The following GRID2 variants were observed in gnomAD, a reference collection of about 807,000 sequenced individuals.
The protein encoded by GRID2 is glutamate ionotropic receptor delta type subunit 2.
Under a neutral mutation model 114.8 loss-of-function variants are expected in GRID2, and 33 were observed. The observed-to-expected ratio is 0.29, with a 90% CI of 0.22 to 0.38. The LOEUF is 0.38. Ranked by LOEUF, GRID2 falls within the 10% of genes least tolerant of loss-of-function variation. The pLI, the probability that GRID2 is intolerant of heterozygous loss-of-function variation, is 1.00. For synonymous variants in GRID2, 505 were observed against 449.9 expected (o/e 1.12, Z -1.55); for missense variants, 1,184 against 1,257.7 (o/e 0.94, Z 0.89).
At chr4:92,941,183 G>A (rs1046425600) in intron 2 of GRID2, among the ~76,000 whole-genome samples, 25 of 152,166 alleles carry the variant, frequency 1.6e-4, no homozygotes, top group Non-Finnish European at 3.4e-4. Context: ...ATTCGGCTGT[G>A]AATCCCTCTG....
intron 2 of GRID2, among the ~76,000 whole-genome samples, chr4:92,876,803 T>G (rs898291344): frequency 2.0e-5 from 3 of 152,322 alleles, no homozygotes; most frequent in Non-Finnish European, 4.4e-5. Flanking sequence ...ATTTATAGTT[T>G]TAGCAAGTAG....
At chr4:93,562,613 C>T (rs1261752793) in intron 13 of GRID2, among the ~76,000 whole-genome samples, 3 of 151,972 alleles carry the variant, frequency 2.0e-5, no homozygotes, top group African/African-American at 7.2e-5. Context: ...TGGCAAAAGC[C>T]AAGGTCATCT....
chr4:92,773,443 A>G (rs1738630694), intron 2 of GRID2, among the ~76,000 whole-genome samples: 1 of 152,182 alleles, frequency 6.6e-6, no homozygotes. Flanking sequence ...AGAAGCAACA[A>G]TGATAAACAG....
intron 2 of GRID2, among the ~76,000 whole-genome samples, chr4:92,804,295 C>T (rs1740310694): frequency 1.3e-5 from 2 of 151,818 alleles, no homozygotes; most frequent in Admixed American, 6.6e-5. Context: ...TTGTATTTTA[C>T]AAAACATTTC....
intron 2 of GRID2, among the ~76,000 whole-genome samples, chr4:92,810,674 T>G (rs961933857): frequency 5.3e-5 from 8 of 152,112 alleles, no homozygotes; most frequent in Non-Finnish European, 2.9e-5. Context: ...GGAAGTGTAA[T>G]AGTAACTTTG....
intron 1 of GRID2, among the ~76,000 whole-genome samples, chr4:92,393,291 A>G (rs550809774): frequency 6.6e-6 from 1 of 152,198 alleles, no homozygotes; most frequent in Non-Finnish European, 1.5e-5. Flanking sequence ...GGGTGGGGAC[A>G]AATATTCAAG....
At chr4:92,836,199 A>G (rs2149404343) in intron 2 of GRID2, among the ~76,000 whole-genome samples, 1 of 152,238 alleles carries the variant, frequency 6.6e-6, no homozygotes, top group South Asian at 2.1e-4. Flanking sequence ...AGCCTAAACT[A>G]TTTACAATCT....
At chr4:93,761,575 C>T (rs895923659) in intron 14 of GRID2, among the ~76,000 whole-genome samples, 5 of 152,106 alleles carry the variant, frequency 3.3e-5, no homozygotes, top group South Asian at 2.1e-4. Flanking sequence ...GCTTGCTGAC[C>T]TCTAGTCTAA....
intron 11 of GRID2, among the ~76,000 whole-genome samples, chr4:93,459,676 C>G (rs1723556730): frequency 6.6e-6 from 1 of 152,136 alleles, no homozygotes; most frequent in Admixed American, 6.5e-5. Context: ...GCTGATGACT[C>G]CCAGATCTAC....
intron 1 of GRID2, among the ~76,000 whole-genome samples, chr4:92,485,331 TATATATATATATATATA>T (rs1172814622): frequency 4.0e-4 from 41 of 103,558 alleles, no homozygotes; most frequent in African/African-American, 1.2e-3. Flanking sequence ...TATATATATA[TATATATATATATATATA>T]GTGTGTGTGT....
intron 2 of GRID2, among the ~76,000 whole-genome samples, chr4:93,084,731 T>A (rs1382547766): frequency 6.6e-6 from 1 of 152,232 alleles, no homozygotes; most frequent in Non-Finnish European, 1.5e-5. Flanking sequence ...AGATTCATGC[T>A]ATTTTACCCT....
chr4:93,498,991 G>T (rs916967374), intron 12 of GRID2, among the ~76,000 whole-genome samples: 1 of 151,836 alleles, frequency 6.6e-6, no homozygotes, highest in Admixed American at 6.6e-5. Flanking sequence ...TCATGAATAG[G>T]TGTTGGATTT....
At chr4:92,739,478 G>C (rs1736765317) in intron 2 of GRID2, among the ~76,000 whole-genome samples, 1 of 151,700 alleles carries the variant, frequency 6.6e-6, no homozygotes, top group Non-Finnish European at 1.5e-5. Context: ...AAATCTGGCT[G>C]TCTTTGAAAA....
intron 2 of GRID2, among the ~76,000 whole-genome samples, chr4:92,990,743 C>T (rs1314365903): frequency 1.3e-5 from 2 of 152,122 alleles, no homozygotes; most frequent in South Asian, 2.1e-4. Flanking sequence ...TTCACAGACA[C>T]AGAGACCTAA....
downstream of GRID2, among the ~76,000 whole-genome samples, chr4:93,776,418 T>C (rs1416093764): frequency 6.6e-6 from 1 of 152,194 alleles, no homozygotes; most frequent in Non-Finnish European, 1.5e-5. Flanking sequence ...TTATAGAAGA[T>C]TTGATAGATG....
At chr4:92,403,176 G>T (rs983326989) in intron 1 of GRID2, among the ~76,000 whole-genome samples, 1 of 152,120 alleles carries the variant, frequency 6.6e-6, no homozygotes, top group South Asian at 2.1e-4. Flanking sequence ...AGAATGTGTG[G>T]CTGGTTTTAT....
chr4:93,514,656 T>C (rs910623714), intron 12 of GRID2, among the ~76,000 whole-genome samples: 3 of 152,100 alleles, frequency 2.0e-5, no homozygotes, highest in Admixed American at 2.0e-4. Context: ...CAAATAATTA[T>C]TGATGTGAGG....
At chr4:92,396,371 C>T (rs1344194732) in intron 1 of GRID2, among the ~76,000 whole-genome samples, 1 of 151,922 alleles carries the variant, frequency 6.6e-6, no homozygotes, top group African/African-American at 2.4e-5. Context: ...TTGATAAATT[C>T]AGCGAAACAA....
At chr4:92,858,827 G>T (rs1744342090) in intron 2 of GRID2, among the ~76,000 whole-genome samples, 1 of 152,148 alleles carries the variant, frequency 6.6e-6, no homozygotes, top group Admixed American at 6.5e-5. Flanking sequence ...AAAGTGCTGG[G>T]ATTACAGGCG....
Sources: allele counts gnomAD v4.1 joint callset (sites outside exome capture counted in the v4.1 genomes callset), GRCh38; gene constraint gnomAD v4.1.1; transcripts MANE v1.5; gene names NCBI Gene and HGNC (gene_info 2026-07-23, HGNC 2026-07-21).